The following PRAME variants were observed in gnomAD, a reference collection of about 807,000 sequenced individuals.
PRAME encodes PRAME nuclear receptor transcriptional regulator.
Under a neutral mutation model 32.1 loss-of-function variants are expected in PRAME, and 21 were observed. The observed-to-expected ratio is 0.65, with a 90% CI of 0.46 to 0.94. The LOEUF is 0.94. PRAME is among the 40% of genes least tolerant of loss of function. The pLI is 0.00. For missense variants in PRAME, 651 were observed against 622.3 expected, an observed-to-expected ratio of 1.05 and a Z score of -0.49; for synonymous variants, 274 against 251.5, an observed-to-expected ratio of 1.09 and a Z score of -0.85.
chr22:22,550,636 C>A, intron 4 of PRAME, 131 bp downstream of exon 4: 1 of 1,083,340 alleles, frequency 9.2e-7, no homozygotes. Flanking sequence ...AGCCCCAAGG[C>A]CTCCCTGAAC....
chr22:22,551,475 C>T (rs2062564075), intron 3 of PRAME, among the ~76,000 whole-genome samples: 1 of 151,906 alleles, frequency 6.6e-6, no homozygotes, highest in African/African-American at 2.4e-5. Flanking sequence ...TCACATAGCC[C>T]AGGACAGCAT....
chr22:22,550,849 T>G lies in PRAME; in HGVS notation c.262A>C (p.Lys88Gln), dbSNP rs778492681. ...GTCTCCAGGTGAAGATGTTGTCCCT[T>G]CATCAGCACTCCCAGAGGGAGGCAG... ...FTCLPLGVLM[K>Q]GQHLHLETFK... The change falls in exon 4 of 6, where the codon AAG (lysine) becomes CAG (glutamine). Residue 88 changes from lysine (K) to glutamine (Q), a missense_variant. Transcript: ENST00000405655. 1 of 1,613,518 alleles carries G rather than the reference T, an allele frequency of 6.2e-7. No homozygotes were observed.
intron 3 of PRAME, among the ~76,000 whole-genome samples, chr22:22,554,367 G>T (rs1035920241): frequency 1.3e-5 from 2 of 151,946 alleles, no homozygotes; most frequent in Non-Finnish European, 2.9e-5. Context: ...TTCCATTTTG[G>T]TTCTCTCTCT....
At chr22:22,550,705 A>T (rs2062514955) in intron 4 of PRAME, 62 bp downstream of exon 4, 3 of 1,493,402 alleles carry the variant, frequency 2.0e-6, no homozygotes, top group Admixed American at 2.2e-5. Context: ...ATGCTCCCTG[A>T]CCCCAGCTGC....
chr22:22,552,058 G>C (rs1451407656), intron 3 of PRAME, among the ~76,000 whole-genome samples: 1 of 148,944 alleles, frequency 6.7e-6, no homozygotes, highest in East Asian at 2.0e-4. Flanking sequence ...CAGGGTGGGA[G>C]AATGGTTTGA....
chr22:22,550,899 G>A lies in PRAME; in HGVS notation c.212C>T (p.Ala71Val), dbSNP rs2062527265. 2 of 1,613,768 alleles carry A rather than the reference G, an allele frequency of 1.2e-6. No individual in the cohort carries two copies. Among genetic ancestry groups the A allele is most frequent in the South Asian group, 1.1e-5 (1 of 91,080 alleles). ...FDGRHSQTLK[A>V]MVQAWPFTCL... ...GGTGAAGGGCCAGGCCTGCACCATT[G>A]CCTTCAGGGTCTGGCTGTGTCTCCC... Residue 71 changes from alanine (A) to valine (V), a missense_variant, in exon 4 of 6, where the codon GCA becomes GTA. Physicochemically the swap from Ala to Val is moderately conservative, Grantham distance 64. Transcript: ENST00000405655.
rs758731982 is a variant in PRAME, at chr22:22,549,746, G to A, written c.933C>T (p.Gly311=). 21 of 1,606,686 alleles carry A rather than the reference G, an allele frequency of 1.3e-5. No individual in the cohort carries two copies. Among genetic ancestry groups the A allele is most frequent in the Middle Eastern group, 1.7e-4 (1 of 5,918 alleles). The part of the protein sequence containing the change: ...LYVDSLFFLR[G]RLDQLLRHVM... ...CTCACCTGAGCAACTGATCCAGGCG[G>A]CCTCTAAGGAAAAATAAAGAGTCCA... The change falls in exon 5 of 6, where the codon GGC becomes GGT. Residue 311 remains glycine (G), a synonymous_variant. Transcript: ENST00000405655.
intron 3 of PRAME, among the ~76,000 whole-genome samples, chr22:22,555,145 T>C (rs62225991): frequency 0.093 from 14,104 of 151,990 alleles, 928 homozygotes; most frequent in South Asian, 0.16. Flanking sequence ...GTCTACTGGT[T>C]CTTATGGTCC....
At chr22:22,553,862 C>T in intron 3 of PRAME, 1 of 985,184 alleles carries the variant, frequency 1.0e-6, no homozygotes, top group Non-Finnish European at 1.2e-6. Flanking sequence ...CTCTTCCACA[C>T]TGGGGCTGTT....
chr22:22,556,588 G>A (rs917501795), intron 3 of PRAME, among the ~76,000 whole-genome samples: 3 of 151,890 alleles, frequency 2.0e-5, no homozygotes, highest in Non-Finnish European at 2.9e-5. Context: ...TGGGATTACA[G>A]GCATGAGCCA....
intron 3 of PRAME, among the ~76,000 whole-genome samples, chr22:22,552,121 A>T (rs1342447426): frequency 1.4e-5 from 2 of 139,866 alleles, no homozygotes; most frequent in Non-Finnish European, 3.1e-5. Flanking sequence ...CATCTCTATT[A>T]AAAAAAAAAA....
At chr22:22,553,924 C>T (rs1408825403) in intron 3 of PRAME, 2 of 985,030 alleles carry the variant, frequency 2.0e-6, no homozygotes, top group Non-Finnish European at 2.4e-6. Context: ...AATGGCCAGC[C>T]CCTTCCTAAG....
At position 22,548,620 on chromosome 22, in the gene PRAME, G is replaced by T; in HGVS notation, c.977C>A (p.Thr326Asn). ...AAGCCGGCAGTTAGTTATTGAGAGG[G>T]TTTCCAAGGGGTTCATCACGTGCCT... ...LLRHVMNPLETLSITNCRLSE... is the reference protein window; with the variant it reads ...LLRHVMNPLENLSITNCRLSE... Residue 326 changes from threonine to asparagine, a missense_variant, in exon 6 of 6, where the codon ACC (threonine) becomes AAC (asparagine). Thr to Asn is a moderately conservative substitution (Grantham distance 65, BLOSUM62 0). Coordinates refer to ENST00000405655, the MANE Select transcript of PRAME (RefSeq NM_206956.3). 1 of 1,603,846 alleles carries T rather than the reference G, an allele frequency of 6.2e-7. No homozygotes were observed. Among genetic ancestry groups the T allele is most frequent in the Non-Finnish European group, 8.5e-7 (1 of 1,178,872 alleles).
intron 3 of PRAME, among the ~76,000 whole-genome samples, chr22:22,556,593 G>C (rs1247821639): frequency 6.6e-6 from 1 of 151,976 alleles, no homozygotes; most frequent in Non-Finnish European, 1.5e-5. Context: ...TTACAGGCAT[G>C]AGCCACCGTG....
At chr22:22,550,486 C>A in intron 4 of PRAME, 152 bp from the exon 5 acceptor site, 1 of 1,153,406 alleles carries the variant, frequency 8.7e-7, no homozygotes, top group Non-Finnish European at 1.2e-6. Context: ...TGCTCCCTTT[C>A]CCACTAGGAT....
chr22:22,556,075 C>A (rs2062896265), intron 3 of PRAME: 4 of 329,476 alleles, frequency 1.2e-5, no homozygotes, highest in Non-Finnish European at 2.5e-5. Flanking sequence ...CTCACTGCAA[C>A]CTCCACCTCC....
In PRAME at chr22:22,550,388, A is replaced by G. The variant is rs189928223; in HGVS notation, c.345-54T>C. The G allele has an allele frequency of 7.6e-4, 1,189 of 1,573,942 alleles. 16 individuals are homozygous for G. In the South Asian group the frequency reaches 0.011, roughly 14 times the overall value. ...GATGATGCTTTAAGATCAACTCAAA[A>G]TAAGACCATGAGTCTCATAATGTAG... On this transcript the variant is annotated intron_variant, in intron 4 of 5. Transcript: ENST00000405655.
intron 3 of PRAME, chr22:22,553,820 G>A: frequency 1.0e-6 from 1 of 985,148 alleles, no homozygotes. Flanking sequence ...TAAAGAAGTT[G>A]TCAGAAGACC....
intron 3 of PRAME, among the ~76,000 whole-genome samples, chr22:22,551,721 A>T (rs925865906): frequency 2.6e-5 from 4 of 151,966 alleles, no homozygotes; most frequent in Non-Finnish European, 4.4e-5. Flanking sequence ...AAATCAGCGG[A>T]GCAAACACTT....
Sources: allele counts gnomAD v4.1 joint callset (sites outside exome capture counted in the v4.1 genomes callset), GRCh38; gene constraint gnomAD v4.1.1; transcripts MANE v1.5; gene names NCBI Gene and HGNC (gene_info 2026-07-23, HGNC 2026-07-21).